Variants in TCP11L1 observed in about 807,000 individuals in gnomAD.
TCP11L1 encodes t-complex 11 like 1.
A neutral mutation model predicts 48.9 loss-of-function variants in TCP11L1; 28 were observed. The ratio of observed to expected loss-of-function variants is 0.57; its 90% confidence interval spans 0.42 to 0.78. The LOEUF is 0.78. TCP11L1 is among the 30% of genes least tolerant of loss of function. TCP11L1 has a pLI of 0.00. For synonymous variants in TCP11L1, 204 were observed against 231.9 expected (o/e 0.88, Z 1.09); for missense variants, 505 against 613.4 (o/e 0.82, Z 1.87).
At chr11:33,043,986 T>G in intron 2 of TCP11L1, 50 bp downstream of exon 2, 1 of 1,526,098 alleles carries the variant, frequency 6.6e-7, no homozygotes, top group Non-Finnish European at 8.8e-7. Flanking sequence ...TGTTTTCAGG[T>G]GACGGTTTTA....
At chr11:33,050,165 T>C (rs1237384021) in intron 2 of TCP11L1, among the ~76,000 whole-genome samples, 2 of 152,144 alleles carry the variant, frequency 1.3e-5, no homozygotes, top group Admixed American at 1.3e-4. Context: ...GGGACAAGGG[T>C]TACAGATTAA....
chr11:33,041,285 G>A (rs981274648), intron 1 of TCP11L1: 2 of 152,164 alleles, frequency 1.3e-5, no homozygotes, highest in African/African-American at 4.8e-5. Context: ...AATTAGCAGC[G>A]TTTTGTTTGT....
At chr11:33,048,969 C>T (rs980693697) in intron 2 of TCP11L1, among the ~76,000 whole-genome samples, 6 of 152,064 alleles carry the variant, frequency 3.9e-5, no homozygotes, top group Admixed American at 2.6e-4. Flanking sequence ...ATAACAAATC[C>T]GGCCAGGCGC....
intron 1 of TCP11L1, 75 bp from the exon 2 acceptor site, chr11:33,043,675 C>T: frequency 7.7e-7 from 1 of 1,297,246 alleles, no homozygotes; most frequent in Non-Finnish European, 1.1e-6. Flanking sequence ...AAATGATTTG[C>T]CCTGAGTCAC....
Position 33,073,311 on chromosome 11 carries a change from T to TA in TCP11L1, c.*636dup, listed in dbSNP as rs1426295078. The TA allele has an allele frequency of 6.6e-6, 1 of 152,428 alleles. No homozygotes were observed. The highest frequency in any genetic ancestry group is 2.4e-5 in the African/African-American group (1 of 41,424). 9.4% of individuals were successfully genotyped at this position (152,428 alleles called of 1,614,324 possible). A position where few individuals can be genotyped will look rare whatever the true frequency, so the allele number is the denominator to read the frequency against. On this transcript the variant is annotated 3_prime_UTR_variant, in exon 10 of 10. Transcript: ENST00000334274. The stretch of plus-strand genomic sequence containing the variant: ...CATTCTTTTAACCTTCCCCCAAAGA[T>TA]ACAGTTATTGGACTTTAAAAAGCTT...
intron 2 of TCP11L1, among the ~76,000 whole-genome samples, chr11:33,048,426 C>T (rs191896808): frequency 6.6e-6 from 1 of 152,242 alleles, no homozygotes; most frequent in Non-Finnish European, 1.5e-5. Flanking sequence ...CAATCCTTAC[C>T]AAGTTTTCAT....
At chr11:33,060,024 G>A (rs533499118) in intron 6 of TCP11L1, among the ~76,000 whole-genome samples, 6 of 152,260 alleles carry the variant, frequency 3.9e-5, no homozygotes, top group African/African-American at 1.2e-4. Flanking sequence ...CAGGTTTTGG[G>A]AGATTTTTGA....
chr11:33,051,593 A>T (rs1268396781), intron 2 of TCP11L1, among the ~76,000 whole-genome samples: 1 of 152,108 alleles, frequency 6.6e-6, no homozygotes, highest in Non-Finnish European at 1.5e-5. Flanking sequence ...CAGTGGCACA[A>T]TCTCAGCTCA....
rs986207063 is a variant in TCP11L1 at position 33,073,313 on chromosome 11, C to T, written c.*637C>T. On this transcript the variant is annotated 3_prime_UTR_variant, in exon 10 of 10. Coordinates refer to ENST00000334274, the MANE Select transcript of TCP11L1 (RefSeq NM_018393.4). Reference sequence around the variant, plus strand: ...TTCTTTTAACCTTCCCCCAAAGATACAGTTATTGGACTTTAAAAAGCTTGT... The same window carrying T: ...TTCTTTTAACCTTCCCCCAAAGATATAGTTATTGGACTTTAAAAAGCTTGT... 1 of 151,534 alleles carries T rather than the reference C, an allele frequency of 6.6e-6. No individual in the cohort carries two copies. The highest frequency in any genetic ancestry group is 2.4e-5 in the African/African-American group (1 of 41,072). The allele number at this position is 151,534 out of a possible 1,614,324, so 9.4% of individuals were successfully genotyped here.
chr11:33,042,130 G>T (rs544154994), intron 1 of TCP11L1, among the ~76,000 whole-genome samples: 16 of 151,796 alleles, frequency 1.1e-4, no homozygotes, highest in African/African-American at 3.9e-4. Context: ...GGGTTTTTTT[G>T]TTTGTTTGTT....
intron 7 of TCP11L1, among the ~76,000 whole-genome samples, chr11:33,063,351 C>T (rs1338670151): frequency 6.6e-6 from 1 of 152,144 alleles, no homozygotes; most frequent in Admixed American, 6.5e-5. Context: ...ATTAGAATTG[C>T]TGGGTTACAT....
intron 7 of TCP11L1, among the ~76,000 whole-genome samples, chr11:33,063,430 C>T (rs902040225): frequency 1.3e-5 from 2 of 152,126 alleles, no homozygotes; most frequent in Non-Finnish European, 2.9e-5. Context: ...ATCATTTTAC[C>T]ATCCCACCAG....
rs373954488 is a variant in TCP11L1 at position 33,071,351 on chromosome 11, G to A, written c.1328-1123G>A. ...GAGTAAGGGTGTTAGGCCCTGTCCTGTCAGCAGTTTCTGTCTGTGTTGTGA... is the reference window on the plus strand; with the variant it reads ...GAGTAAGGGTGTTAGGCCCTGTCCTATCAGCAGTTTCTGTCTGTGTTGTGA... On this transcript the variant is annotated intron_variant, in intron 9 of 9. Transcript: ENST00000334274. Among the ~76,000 whole-genome samples the A allele has an allele frequency of 9.9e-5, 15 of 152,250 alleles. No individual in the cohort carries two copies. The East Asian group carries it at 1.2e-3, about 12-fold the overall frequency.
intron 2 of TCP11L1, among the ~76,000 whole-genome samples, chr11:33,052,713 G>A (rs900581575): frequency 1.2e-4 from 18 of 152,114 alleles, no homozygotes; most frequent in Admixed American, 7.2e-4. Context: ...ATTCTGGGCC[G>A]GCTGCTGTGG....
At chr11:33,050,329 ATC>A (rs1475499856) in intron 2 of TCP11L1, among the ~76,000 whole-genome samples, 3 of 152,204 alleles carry the variant, frequency 2.0e-5, no homozygotes, top group Admixed American at 6.5e-5. Flanking sequence ...AGCCCTAATA[ATC>A]TCTGAGTTTC....
rs941182820 is a variant in TCP11L1, at chr11:33,061,615, G to C, written c.861G>C (p.Gly287=). ...AGTATAAACACGCCCTGCCAGTGGG[G>C]GGAATGGCTGCTGGCTCTGGGGACA... is the stretch of plus-strand genomic sequence containing the variant. ...TQKYKHALPV[G]GMAAGSGDMP... is the part of the protein sequence containing the mutation. The change falls in exon 7 of 10, where the codon GGG becomes GGC. Residue 287 remains glycine, a synonymous_variant. Transcript: ENST00000334274. 1.2e-6 allele frequency: 2 copies of C among 1,612,924 alleles called. No homozygotes were observed. The highest frequency in any genetic ancestry group is 1.7e-5 in the Admixed American group (1 of 59,800).
intron 2 of TCP11L1, among the ~76,000 whole-genome samples, chr11:33,050,373 A>G (rs2056582137): frequency 7.3e-5 from 1 of 13,658 alleles, no homozygotes; most frequent in Non-Finnish European, 2.0e-4. Flanking sequence ...GTGGAGTTTA[A>G]TAACACCTGA....
rs1242064933 is a variant in TCP11L1, at chr11:33,065,847, G to T, written c.990G>T (p.Gln330His). ...CATTACAGACAGTTTTAATGGACCAGTCTCGCTTCCACGAGCTCCAGTTGC... is the reference window on the plus strand; with the variant it reads ...CATTACAGACAGTTTTAATGGACCATTCTCGCTTCCACGAGCTCCAGTTGC... ...RPFPETVLMD[Q>H]SRFHELQLQL... The change falls in exon 8 of 10, where the codon CAG (glutamine) becomes CAT (histidine). Residue 330 changes from glutamine (Q) to histidine (H), a missense_variant. Physicochemically the swap from Gln to His is conservative, Grantham distance 24. Coordinates refer to ENST00000334274, the MANE Select transcript of TCP11L1 (RefSeq NM_018393.4). The T allele has an allele frequency of 6.2e-7, 1 of 1,613,906 alleles. No individual in the cohort carries two copies. Among genetic ancestry groups the T allele is most frequent in the Non-Finnish European group, 8.5e-7 (1 of 1,179,930 alleles).
intron 6 of TCP11L1, 32 bp from the exon 7 acceptor site, chr11:33,061,498 C>G: frequency 6.5e-7 from 1 of 1,533,506 alleles, no homozygotes; most frequent in Non-Finnish European, 8.8e-7. Context: ...TTCTTGGTGT[C>G]AAGGTAATGT....
Sources: allele counts gnomAD v4.1 joint callset (sites outside exome capture counted in the v4.1 genomes callset), GRCh38; gene constraint gnomAD v4.1.1; transcripts MANE v1.5; gene names NCBI Gene and HGNC (gene_info 2026-07-23, HGNC 2026-07-21).